The following OR6N1 variants were observed in gnomAD, a reference collection of about 807,000 sequenced individuals.
OR6N1 encodes the protein olfactory receptor family 6 subfamily N member 1.
For missense variants in OR6N1, 394 were observed against 371.7 expected (o/e 1.06, Z -0.49); for synonymous variants, 170 against 150.7 (o/e 1.13, Z -0.94).
intron 1 of OR6N1, among the ~76,000 whole-genome samples, chr1:158,767,260 T>C (rs1657299291): frequency 6.6e-6 from 1 of 152,212 alleles, no homozygotes; most frequent in Admixed American, 6.5e-5. Context: ...TTCAGGGGCA[T>C]GTAGGTCAGA....
chr1:158,773,178 T>A (rs964733897), upstream of OR6N1, among the ~76,000 whole-genome samples: 7 of 151,616 alleles, frequency 4.6e-5, no homozygotes, highest in Non-Finnish European at 8.8e-5. Flanking sequence ...CTGGAAGATT[T>A]TTTTTTTTCA....
At chr1:158,797,991 AT>A in the OR6N1 span, among the ~76,000 whole-genome samples, 6 of 152,076 alleles carry the variant, frequency 3.9e-5, no homozygotes, top group South Asian at 6.2e-4. Flanking sequence ...GATATTTCTA[AT>A]TTATAATTTT....
chr1:158,820,205 C>T, the OR6N1 span, among the ~76,000 whole-genome samples: 3 of 152,194 alleles, frequency 2.0e-5, no homozygotes, highest in East Asian at 5.8e-4. Context: ...CTGGGTGGAA[C>T]AGGTGTTCCT....
the OR6N1 span, among the ~76,000 whole-genome samples, chr1:158,793,754 C>T: frequency 1.3e-5 from 2 of 152,122 alleles, no homozygotes; most frequent in Admixed American, 1.3e-4. Context: ...GTTTAGGCTT[C>T]AGGCCAGTAG....
the OR6N1 span, among the ~76,000 whole-genome samples, chr1:158,783,908 C>T: frequency 6.6e-6 from 1 of 152,098 alleles, no homozygotes; most frequent in Non-Finnish European, 1.5e-5. Context: ...AGATCGAGAC[C>T]ATCCTGGCTA....
At chr1:158,787,961 A>G in the OR6N1 span, among the ~76,000 whole-genome samples, 1 of 152,184 alleles carries the variant, frequency 6.6e-6, no homozygotes. Flanking sequence ...TGACAGGATG[A>G]TGGCAGAGAT....
chr1:158,783,611 C>T, the OR6N1 span, among the ~76,000 whole-genome samples: 1 of 152,160 alleles, frequency 6.6e-6, no homozygotes, highest in Non-Finnish European at 1.5e-5. Flanking sequence ...TTATTCTATT[C>T]ATTGCATCCT....
At chr1:158,779,295 T>C in the OR6N1 span, among the ~76,000 whole-genome samples, 16 of 132,166 alleles carry the variant, frequency 1.2e-4, no homozygotes, top group Middle Eastern at 8.1e-3. Flanking sequence ...GTGTAGATCA[T>C]ACTGCAATTG....
At chr1:158,839,786 C>T in the OR6N1 span, among the ~76,000 whole-genome samples, 1 of 152,140 alleles carries the variant, frequency 6.6e-6, no homozygotes, top group Non-Finnish European at 1.5e-5. Context: ...TCCTTTGTTG[C>T]AACCAATTCT....
the OR6N1 span, among the ~76,000 whole-genome samples, chr1:158,787,368 C>G: frequency 4.6e-5 from 7 of 152,062 alleles, no homozygotes; most frequent in Admixed American, 1.3e-4. Context: ...GTCCCAGTCT[C>G]AAGTATTTCT....
chr1:158,779,207 A>T, the OR6N1 span, among the ~76,000 whole-genome samples: 10 of 152,142 alleles, frequency 6.6e-5, no homozygotes, highest in Non-Finnish European at 1.3e-4. Context: ...ACAGATGCAA[A>T]AAGAAAACAA....
upstream of OR6N1, chr1:158,777,156 G>C: frequency 1.2e-6 from 2 of 1,614,092 alleles, no homozygotes; most frequent in Non-Finnish European, 1.7e-6. Context: ...AGGCAAGGAT[G>C]ACCTCAGAAA....
chr1:158,822,789 T>G, the OR6N1 span, among the ~76,000 whole-genome samples: 1 of 152,174 alleles, frequency 6.6e-6, no homozygotes, highest in East Asian at 1.9e-4. Context: ...CTTGTTTTGG[T>G]TTTCAAAGGG....
chr1:158,807,313 T>C, the OR6N1 span, among the ~76,000 whole-genome samples: 1 of 152,176 alleles, frequency 6.6e-6, no homozygotes, highest in Non-Finnish European at 1.5e-5. Context: ...AGTACAGACA[T>C]ACATAAAATA....
chr1:158,810,774 T>C, the OR6N1 span, among the ~76,000 whole-genome samples: 1 of 152,226 alleles, frequency 6.6e-6, no homozygotes, highest in Non-Finnish European at 1.5e-5. Context: ...CAGCTTCATC[T>C]CTACTCCCTT....
At chr1:158,825,331 C>T in the OR6N1 span, among the ~76,000 whole-genome samples, 2 of 151,456 alleles carry the variant, frequency 1.3e-5, no homozygotes, top group South Asian at 2.1e-4. Context: ...CCCAGCTACT[C>T]GGGAGGCTGA....
chr1:158,786,934 A>T, the OR6N1 span, among the ~76,000 whole-genome samples: 2,536 of 152,246 alleles, frequency 0.017, 31 homozygotes, highest in Middle Eastern at 0.037. Flanking sequence ...CTCAGAAATC[A>T]CCAGTAAAGA....
At chr1:158,794,068 T>G in the OR6N1 span, among the ~76,000 whole-genome samples, 4 of 152,192 alleles carry the variant, frequency 2.6e-5, no homozygotes, top group African/African-American at 9.7e-5. Flanking sequence ...ACTCTACCTC[T>G]CATGCAAGCC....
the OR6N1 span, among the ~76,000 whole-genome samples, chr1:158,839,409 T>C: frequency 6.6e-6 from 1 of 152,174 alleles, no homozygotes; most frequent in Non-Finnish European, 1.5e-5. Flanking sequence ...TCTACTGTAT[T>C]CCTCTATCCA....
Sources: gnomAD v4.1 joint callset for allele counts (sites outside exome capture counted in the v4.1 genomes callset) on GRCh38, gnomAD v4.1.1 for gene constraint, MANE v1.5 for transcripts, NCBI Gene and HGNC (gene_info 2026-07-23, HGNC 2026-07-21) for gene names.